The following TENM3 variants were observed in gnomAD, a reference collection of about 807,000 sequenced individuals.
TENM3 encodes the protein teneurin transmembrane protein 3, also known as teneurin-3.
TENM3 carries 63 observed loss-of-function variants against 255.1 expected under a neutral mutation model. The observed-to-expected ratio is 0.25, with a 90% confidence interval of 0.20 to 0.30. The LOEUF (loss-of-function observed/expected upper bound fraction) is 0.30. TENM3 is among the 10% of genes least tolerant of loss of function. The pLI is 1.00. For missense variants in TENM3, 2,929 were observed against 3,461.1 expected (o/e 0.85, Z 3.86); for synonymous variants, 1,306 against 1,322.3 (o/e 0.99, Z 0.27).
At chr4:182,275,974 AT>A (rs1255163750) in intron 1 of TENM3, among the ~76,000 whole-genome samples, 1 of 152,096 alleles carries the variant, frequency 6.6e-6, no homozygotes, top group Admixed American at 6.6e-5. Context: ...ATCAAAAAAA[AT>A]TTTTTTAAGG....
At chr4:181,570,642 G>GAA in the TENM3 span, among the ~76,000 whole-genome samples, 1 of 144,162 alleles carries the variant, frequency 6.9e-6, no homozygotes, top group Admixed American at 7.0e-5. Flanking sequence ...GAAAGAGAGA[G>GAA]AGAGAAAGAA....
At chr4:181,942,091 G>A in the TENM3 span, among the ~76,000 whole-genome samples, 3 of 152,116 alleles carry the variant, frequency 2.0e-5, no homozygotes, top group African/African-American at 4.8e-5. Flanking sequence ...CTTCCTGTGT[G>A]AGGACTCAGG....
the TENM3 span, among the ~76,000 whole-genome samples, chr4:181,847,247 C>T: frequency 6.6e-6 from 1 of 152,218 alleles, no homozygotes; most frequent in African/African-American, 2.4e-5. Context: ...ACACCTAAAC[C>T]TTTAGCATTA....
the TENM3 span, among the ~76,000 whole-genome samples, chr4:181,513,698 G>A: frequency 1.6e-3 from 251 of 152,212 alleles, no homozygotes; most frequent in Non-Finnish European, 3.2e-3. Context: ...GCTTTTTATT[G>A]AAAAAGAAAA....
the TENM3 span, among the ~76,000 whole-genome samples, chr4:181,552,486 C>A: frequency 1.3e-5 from 2 of 152,314 alleles, no homozygotes; most frequent in Non-Finnish European, 2.9e-5. Flanking sequence ...GATTCAGAAA[C>A]ATCATTAGTT....
At chr4:182,209,128 C>A (rs1422501845) in intron 1 of TENM3, among the ~76,000 whole-genome samples, 1 of 152,000 alleles carries the variant, frequency 6.6e-6, no homozygotes, top group Non-Finnish European at 1.5e-5. Context: ...GCACCATGCC[C>A]GGCCAATTTT....
chr4:182,390,968 G>A (rs186931448), intron 3 of TENM3, among the ~76,000 whole-genome samples: 2 of 152,236 alleles, frequency 1.3e-5, no homozygotes, highest in Admixed American at 1.3e-4. Context: ...GGAGATGCTT[G>A]TTCATTTAAT....
Position 182,800,274 on chromosome 4 carries a change from G to C in TENM3, c.8023G>C (p.Val2675Leu). The C allele has an allele frequency of 6.3e-7, 1 of 1,594,402 alleles. No individual in the cohort carries two copies. The highest frequency in any genetic ancestry group is 8.5e-7 in the Non-Finnish European group (1 of 1,178,500). Residue 2675 changes from valine (V) to leucine (L), a missense_variant, in exon 28 of 28, where the codon GTG becomes CTG. This residue lies in a region of TENM3 where 476 missense variants were observed against 480.1 expected (regional missense o/e 0.99). Coordinates refer to ENST00000511685, the MANE Select transcript of TENM3 (RefSeq NM_001080477.4). ...CTACGACGGGTACTACGTACTCTCG[G>C]TGGAGCAGTACCCCGAGCTGGCCGA... The part of the protein sequence containing the change: ...QGYDGYYVLS[V>L]EQYPELADSA...
chr4:182,550,960 C>T (rs1741940368), intron 3 of TENM3, among the ~76,000 whole-genome samples: 1 of 152,158 alleles, frequency 6.6e-6, no homozygotes, highest in Non-Finnish European at 1.5e-5. Context: ...GTGGCTCACG[C>T]CTGTAATCCC....
intron 5 of TENM3, among the ~76,000 whole-genome samples, chr4:182,632,067 T>A (rs1751421164): frequency 6.6e-6 from 1 of 152,164 alleles, no homozygotes; most frequent in Non-Finnish European, 1.5e-5. Context: ...TGCTGTCAAC[T>A]TTTTGGTGTG....
chr4:181,800,623 A>G, the TENM3 span, among the ~76,000 whole-genome samples: 1 of 151,994 alleles, frequency 6.6e-6, no homozygotes, highest in East Asian at 1.9e-4. Context: ...ACAGAGCAAG[A>G]CTCCATCTCA....
intron 3 of TENM3, among the ~76,000 whole-genome samples, chr4:182,383,093 G>A (rs2150932481): frequency 6.6e-6 from 1 of 152,292 alleles, no homozygotes; most frequent in South Asian, 2.1e-4. Context: ...CTCAATTATG[G>A]AACGAGTGGG....
At chr4:181,519,415 G>A in the TENM3 span, among the ~76,000 whole-genome samples, 1 of 151,922 alleles carries the variant, frequency 6.6e-6, no homozygotes, top group Non-Finnish European at 1.5e-5. Flanking sequence ...GTACAAATTG[G>A]TTTGACACTA....
the TENM3 span, among the ~76,000 whole-genome samples, chr4:181,812,295 C>T: frequency 0.34 from 52,028 of 151,996 alleles, 9,205 homozygotes; most frequent in Admixed American, 0.49. Context: ...TACCTTAGAG[C>T]ATTTGTTGAG....
At chr4:181,796,894 T>C in the TENM3 span, among the ~76,000 whole-genome samples, 1 of 152,206 alleles carries the variant, frequency 6.6e-6, no homozygotes, top group South Asian at 2.1e-4. Flanking sequence ...CAGAAAATTC[T>C]TACGTCATGT....
chr4:182,699,877 A>G (rs1757717009), intron 12 of TENM3, among the ~76,000 whole-genome samples: 1 of 152,116 alleles, frequency 6.6e-6, no homozygotes, highest in Admixed American at 6.5e-5. Flanking sequence ...AACCGAGTAT[A>G]TTGGAGGTTT....
At chr4:181,586,029 T>C in the TENM3 span, among the ~76,000 whole-genome samples, 1 of 152,204 alleles carries the variant, frequency 6.6e-6, no homozygotes, top group African/African-American at 2.4e-5. Context: ...ATCATTAGAA[T>C]GTAGGGTTCA....
chr4:181,706,340 C>T, the TENM3 span, among the ~76,000 whole-genome samples: 14 of 152,192 alleles, frequency 9.2e-5, no homozygotes, highest in East Asian at 1.2e-3. Context: ...GATCCAGGGG[C>T]GGTGGGTGCT....
chr4:182,673,259 A>G, intron 7 of TENM3, 40 bp downstream of exon 7: 1 of 1,406,160 alleles, frequency 7.1e-7, no homozygotes, highest in South Asian at 1.3e-5. Flanking sequence ...AAAAACTGCC[A>G]GTTGCATTTT....
Sources: gnomAD v4.1 joint callset for allele counts (sites outside exome capture counted in the v4.1 genomes callset) on GRCh38, gnomAD v4.1.1 for gene constraint, gnomAD v4.1.1 regional missense constraint, MANE v1.5 for transcripts, NCBI Gene and HGNC (gene_info 2026-07-23, HGNC 2026-07-21) for gene names.